NTNG2: variants seen among roughly 807,000 people sequenced by gnomAD.
NTNG2 encodes the protein netrin G2.
A neutral mutation model predicts 47.6 loss-of-function variants in NTNG2; 15 were observed. The observed-to-expected ratio is 0.32, with a 90% CI of 0.21 to 0.49. The LOEUF is 0.49. NTNG2 is among the 20% of genes least tolerant of loss of function. The pLI, the probability that NTNG2 is intolerant of heterozygous loss-of-function variation, is 0.99. For missense variants in NTNG2, 578 were observed against 764.6 expected (o/e 0.76, Z 2.88); for synonymous variants, 307 against 324.6 (o/e 0.95, Z 0.58).
At chr9:132,186,493 C>T (rs891593746) in intron 2 of NTNG2, among the ~76,000 whole-genome samples, 29 of 152,226 alleles carry the variant, frequency 1.9e-4, no homozygotes, top group Non-Finnish European at 5.9e-5. Flanking sequence ...GTTCGGCTGA[C>T]GGAGGAGATC....
chr9:132,220,932 G>A (rs566769400), intron 3 of NTNG2, among the ~76,000 whole-genome samples: 1 of 151,918 alleles, frequency 6.6e-6, no homozygotes, highest in East Asian at 1.9e-4. Flanking sequence ...TTTCACTTAG[G>A]CAGTATTTTT....
At chr9:132,201,667 C>T (rs545236802) in intron 3 of NTNG2, among the ~76,000 whole-genome samples, 6 of 152,316 alleles carry the variant, frequency 3.9e-5, no homozygotes, top group African/African-American at 9.6e-5. Flanking sequence ...CCAGTGGCTC[C>T]GCTGTGGCCC....
At position 132,216,381 on chromosome 9, in the gene NTNG2, C is replaced by CCTCTCT. The variant is rs1199246893; in HGVS notation, c.858-10439_858-10434dup. ...GGTAAGAATCTGGCTGCTGACTCAG[C>CCTCTCT]CTCTCTCTCTCTCTCTCTCTCTCTC... On this transcript the variant is annotated intron_variant, in intron 3 of 7. Coordinates refer to ENST00000393229, the MANE Select transcript of NTNG2 (RefSeq NM_032536.4). Among the ~76,000 whole-genome samples the CCTCTCT allele has an allele frequency of 3.2e-3, 381 of 120,832 alleles. 20 individuals carry two copies. The highest frequency in any genetic ancestry group is 0.01 in the African/African-American group (271 of 26,146). The allele number at this position is 120,832 out of a possible 152,430, so 79.3% of individuals were successfully genotyped here.
At chr9:132,175,387 G>C (rs916577001) in intron 2 of NTNG2, among the ~76,000 whole-genome samples, 9 of 152,224 alleles carry the variant, frequency 5.9e-5, no homozygotes, top group African/African-American at 1.7e-4. Flanking sequence ...GCAATTGAGA[G>C]GAACCCAGAA....
At position 132,230,620 on chromosome 9, in the gene NTNG2, G is replaced by A; in HGVS notation, c.1054+25G>A. 3 of 1,600,684 alleles carry A rather than the reference G, an allele frequency of 1.9e-6. No homozygotes were observed. In the South Asian group the frequency reaches 3.4e-5, roughly 18 times the overall value. ...AGTAAGTACACGCCTGGGGAGGGTG[G>A]CCAGGGCCCCCACTGCACGAGCCTC... On this transcript the variant is annotated intron_variant, in intron 5 of 7. Coordinates refer to ENST00000393229, the MANE Select transcript of NTNG2 (RefSeq NM_032536.4).
At chr9:132,214,434 G>A (rs906368216) in intron 3 of NTNG2, among the ~76,000 whole-genome samples, 2 of 152,230 alleles carry the variant, frequency 1.3e-5, no homozygotes, top group East Asian at 3.8e-4. Flanking sequence ...CCCCCAGCTG[G>A]GCCTGCCACG....
At position 132,242,178 on chromosome 9, in the gene NTNG2, C is replaced by T; in HGVS notation, c.*67C>T. 1.3e-6 allele frequency: 1 copy of T among 770,316 alleles called. No individual in the cohort carries two copies. Among genetic ancestry groups the T allele is most frequent in the Non-Finnish European group, 1.6e-6 (1 of 616,332 alleles). 47.7% of individuals were successfully genotyped at this position (770,316 alleles called of 1,614,324 possible). ...TCCCGGGGTCCCGGGGCGGGGCCGG[C>T]GTCCGAGGCCGGGCGGTGAGAAGGG... is the stretch of plus-strand genomic sequence containing the variant. On this transcript the variant is annotated 3_prime_UTR_variant, in exon 8 of 8. Coordinates refer to ENST00000393229, the MANE Select transcript of NTNG2 (RefSeq NM_032536.4). The surrounding 1 kb of genome is among the most constrained non-coding windows in gnomAD (Gnocchi z 5.9).
chr9:132,198,327 G>C lies in NTNG2; in HGVS notation c.575G>C (p.Arg192Pro). The C allele has an allele frequency of 2.5e-6, 4 of 1,612,728 alleles. No homozygotes were observed. Among genetic ancestry groups the C allele is most frequent in the Non-Finnish European group, 2.5e-6 (3 of 1,179,868 alleles). Residue 192 changes from arginine to proline, a missense_variant, in exon 3 of 8, where the codon CGC becomes CCC. Physicochemically the swap from Arg to Pro is moderately radical, Grantham distance 103. Coordinates refer to ENST00000393229, the MANE Select transcript of NTNG2 (RefSeq NM_032536.4). ...ARDMSSSSAH[R>P]VLCTEEYSRW... is the part of the protein sequence containing the mutation. ...GACATGTCATCCTCCAGCGCGCACC[G>C]CGTGCTCTGCACCGAGGAGTACTCG...
At chr9:132,205,247 C>G (rs1313074073) in intron 3 of NTNG2, among the ~76,000 whole-genome samples, 2 of 152,116 alleles carry the variant, frequency 1.3e-5, no homozygotes, top group Non-Finnish European at 2.9e-5. Context: ...AAAATGTGAC[C>G]CATCCATATA....
At position 132,180,007 on chromosome 9, in the gene NTNG2, G is replaced by A. The variant is rs753685021; in HGVS notation, c.213+12963G>A. On this transcript the variant is annotated intron_variant, in intron 2 of 7. Transcript: ENST00000393229. This position sits in a 1 kb window ranked among gnomAD's most constrained non-coding sequence, Gnocchi z 4.2. ...GTGAATCTAACCCTGGAGTGTTCCA[G>A]AACTGCCCACCCTGTGGAAAGGGAC... 2.0e-5 allele frequency among the ~76,000 whole-genome samples: 3 copies of A among 152,162 alleles called. No individual in the cohort carries two copies. Among genetic ancestry groups the A allele is most frequent in the Non-Finnish European group, 4.4e-5 (3 of 68,028 alleles).
chr9:132,206,987 A>G (rs997203099), intron 3 of NTNG2, among the ~76,000 whole-genome samples: 1 of 152,164 alleles, frequency 6.6e-6, no homozygotes, highest in African/African-American at 2.4e-5. Context: ...GGTGGGGCGG[A>G]GAGGGCAGGA....
chr9:132,220,068 G>T (rs184638418), intron 3 of NTNG2, among the ~76,000 whole-genome samples: 28 of 152,264 alleles, frequency 1.8e-4, no homozygotes, highest in African/African-American at 6.0e-4. Flanking sequence ...TATGGCTTTG[G>T]TGTGCATTTC....
rs1212125539 is a variant in NTNG2 at position 132,162,226 on chromosome 9, C to A, written c.-497C>A. On this transcript the variant is annotated 5_prime_UTR_variant, in exon 1 of 8. Transcript: ENST00000393229. This position sits in a 1 kb window ranked among gnomAD's most constrained non-coding sequence, Gnocchi z 4.6. Reference sequence around the variant, plus strand: ...CTCCCAGGTCTCCGCGCCGGGAAGCCGCTCCGAGCCGGGGTAAGGCGGGCG... The same window carrying A: ...CTCCCAGGTCTCCGCGCCGGGAAGCAGCTCCGAGCCGGGGTAAGGCGGGCG... The A allele has an allele frequency of 6.6e-6, 1 of 152,356 alleles. No homozygotes were observed. Among genetic ancestry groups the A allele is most frequent in the Admixed American group, 6.5e-5 (1 of 15,278 alleles). The allele number at this position is 152,356 out of a possible 1,614,324, so 9.4% of individuals were successfully genotyped here. A position where few individuals can be genotyped will look rare whatever the true frequency, so the allele number is the denominator to read the frequency against.
intron 4 of NTNG2, among the ~76,000 whole-genome samples, chr9:132,229,240 A>G (rs1263001387): frequency 6.6e-6 from 1 of 152,118 alleles, no homozygotes; most frequent in African/African-American, 2.4e-5. Context: ...AGCAGGAAAC[A>G]GCCCAAAGAG....
intron 3 of NTNG2, among the ~76,000 whole-genome samples, chr9:132,212,884 C>T (rs540519751): frequency 2.0e-5 from 3 of 152,246 alleles, no homozygotes; most frequent in South Asian, 2.1e-4. Context: ...CTGGCTGCTG[C>T]CCATCTCCCC....
chr9:132,199,407 A>G (rs966997899), intron 3 of NTNG2, among the ~76,000 whole-genome samples: 1 of 152,210 alleles, frequency 6.6e-6, no homozygotes, highest in African/African-American at 2.4e-5. Flanking sequence ...GAAAAGGTGC[A>G]CAGGGCTGGG....
Position 132,239,209 on chromosome 9 carries a change from A to G in NTNG2, c.1160A>G (p.His387Arg), listed in dbSNP as rs1589568687. The part of the protein sequence containing the change: ...KHNTRGQHCQ[H>R]CRLGYYRNGS... ...AACACGCGAGGTCAGCACTGCCAGC[A>G]CTGCCGGCTGGGCTACTACCGCAAC... The change falls in exon 6 of 8, where the codon CAC becomes CGC. Residue 387 changes from histidine (H) to arginine (R), a missense_variant. Coordinates refer to ENST00000393229, the MANE Select transcript of NTNG2 (RefSeq NM_032536.4). 2 of 1,613,774 alleles carry G rather than the reference A, an allele frequency of 1.2e-6. No individual in the cohort carries two copies. The highest frequency in any genetic ancestry group is 1.7e-6 in the Non-Finnish European group (2 of 1,180,002).
intron 2 of NTNG2, among the ~76,000 whole-genome samples, chr9:132,184,108 G>A (rs1156520546): frequency 1.3e-5 from 2 of 152,212 alleles, no homozygotes; most frequent in African/African-American, 4.8e-5. Context: ...ACGAGCCAGG[G>A]TTCATCCACA....
intron 2 of NTNG2, among the ~76,000 whole-genome samples, chr9:132,194,311 AG>A (rs1233678347): frequency 6.6e-6 from 1 of 152,146 alleles, no homozygotes; most frequent in African/African-American, 2.4e-5. Context: ...TTCTGCATCC[AG>A]GCTCACAGCA....
Sources: gnomAD v4.1 joint callset for allele counts (sites outside exome capture counted in the v4.1 genomes callset) on GRCh38, gnomAD v4.1.1 for gene constraint, Gnocchi (gnomAD v3.1) non-coding constraint, MANE v1.5 for transcripts, NCBI Gene and HGNC (gene_info 2026-07-23, HGNC 2026-07-21) for gene names.